The following HMGCLL1 variants were observed in gnomAD, a reference collection of about 807,000 sequenced individuals.
HMGCLL1 encodes 3-hydroxymethyl-3-methylglutaryl-CoA lyase, cytoplasmic.
Under a neutral mutation model 39.1 loss-of-function variants are expected in HMGCLL1, and 36 were observed. That is an observed-to-expected ratio of 0.92 (90% confidence interval 0.71 to 1.22). The LOEUF is 1.22. Ranked by LOEUF, HMGCLL1 falls within the 50% of genes most tolerant of loss-of-function variation. HMGCLL1 has a pLI of 0.00. For missense variants in HMGCLL1, 451 were observed against 416.5 expected, an observed-to-expected ratio of 1.08 and a Z score of -0.72; for synonymous variants, 149 against 144.0, an observed-to-expected ratio of 1.03 and a Z score of -0.25.
chr6:55,602,905 C>A, the HMGCLL1 span, among the ~76,000 whole-genome samples: 5 of 152,006 alleles, frequency 3.3e-5, no homozygotes, highest in Admixed American at 2.6e-4. Flanking sequence ...CAATGGTTAT[C>A]ATCTTAAGAA....
chr6:55,653,477 T>C, the HMGCLL1 span, among the ~76,000 whole-genome samples: 4 of 151,670 alleles, frequency 2.6e-5, no homozygotes, highest in African/African-American at 7.3e-5. Flanking sequence ...AAGACATGCT[T>C]TCAAATAATA....
chr6:55,509,978 A>G (rs931865467), intron 5 of HMGCLL1, among the ~76,000 whole-genome samples: 3 of 151,992 alleles, frequency 2.0e-5, no homozygotes, highest in African/African-American at 7.2e-5. Context: ...TGACTAAAGT[A>G]TGACATTATC....
chr6:55,442,064 T>C (rs9475291), intron 7 of HMGCLL1, among the ~76,000 whole-genome samples: 53,939 of 151,874 alleles, frequency 0.36, 10,231 homozygotes, highest in African/African-American at 0.5. Context: ...AGGTAAAGTG[T>C]CATCCTGAAA....
chr6:55,555,020 T>C (rs1278561289), intron 1 of HMGCLL1, among the ~76,000 whole-genome samples: 1 of 152,220 alleles, frequency 6.6e-6, no homozygotes, highest in Non-Finnish European at 1.5e-5. Context: ...CCTAATACTT[T>C]GAAAACATCA....
chr6:55,448,662 T>C (rs2127387136), intron 7 of HMGCLL1, among the ~76,000 whole-genome samples: 1 of 152,256 alleles, frequency 6.6e-6, no homozygotes, highest in Middle Eastern at 3.4e-3. Context: ...AATCATCTGC[T>C]TTTGCCTGTT....
intron 3 of HMGCLL1, among the ~76,000 whole-genome samples, chr6:55,536,237 T>A (rs1769016291): frequency 6.6e-6 from 1 of 152,184 alleles, no homozygotes; most frequent in African/African-American, 2.4e-5. Context: ...AAAATCTATT[T>A]TTATTCCCTG....
At chr6:55,596,573 C>T in the HMGCLL1 span, among the ~76,000 whole-genome samples, 1 of 152,126 alleles carries the variant, frequency 6.6e-6, no homozygotes, top group Non-Finnish European at 1.5e-5. Flanking sequence ...TTGTAAGATC[C>T]TGAGGAGAGG....
chr6:55,465,523 C>G (rs1764760333), intron 7 of HMGCLL1, among the ~76,000 whole-genome samples: 1 of 151,752 alleles, frequency 6.6e-6, no homozygotes, highest in African/African-American at 2.4e-5. Context: ...TGATGGGTAC[C>G]TTGCTTGATT....
intron 1 of HMGCLL1, 49 bp from the exon 2 acceptor site, chr6:55,542,189 C>A: frequency 8.0e-7 from 1 of 1,249,696 alleles, no homozygotes; most frequent in South Asian, 1.3e-5. Flanking sequence ...TAGATTGTTA[C>A]ATTTGCTTAT....
intron 7 of HMGCLL1, among the ~76,000 whole-genome samples, chr6:55,443,431 C>A (rs1763689058): frequency 6.6e-6 from 1 of 152,152 alleles, no homozygotes; most frequent in Non-Finnish European, 1.5e-5. Flanking sequence ...CAAGACCCTG[C>A]AACTACAGGA....
chr6:55,456,374 A>G (rs1764321781), intron 7 of HMGCLL1, among the ~76,000 whole-genome samples: 1 of 152,194 alleles, frequency 6.6e-6, no homozygotes. Context: ...TGAGATAAAA[A>G]TCTTTAGATA....
chr6:55,660,496 C>T, the HMGCLL1 span, among the ~76,000 whole-genome samples: 1 of 151,942 alleles, frequency 6.6e-6, no homozygotes, highest in South Asian at 2.1e-4. Context: ...GTGTTAGTTG[C>T]TAAGAATGAT....
chr6:55,475,860 C>T (rs757173285), intron 7 of HMGCLL1, among the ~76,000 whole-genome samples: 1 of 151,566 alleles, frequency 6.6e-6, no homozygotes, highest in African/African-American at 2.4e-5. Context: ...GCTTTTCTCA[C>T]TGAAGTGTAG....
intron 7 of HMGCLL1, among the ~76,000 whole-genome samples, chr6:55,451,102 G>T (rs1214131272): frequency 6.6e-6 from 1 of 152,110 alleles, no homozygotes; most frequent in African/African-American, 2.4e-5. Context: ...TGGAGCTAAT[G>T]GTTATGGGGA....
intron 7 of HMGCLL1, among the ~76,000 whole-genome samples, chr6:55,492,322 T>C (rs945064566): frequency 2.6e-5 from 4 of 152,180 alleles, no homozygotes; most frequent in Non-Finnish European, 5.9e-5. Flanking sequence ...TTTTCTTCAA[T>C]ATATTTTCTT....
the HMGCLL1 span, among the ~76,000 whole-genome samples, chr6:55,652,141 G>C: frequency 6.6e-6 from 1 of 151,990 alleles, no homozygotes; most frequent in Admixed American, 6.6e-5. Flanking sequence ...CACGGGGAGG[G>C]GAGATAAGTG....
chr6:55,619,807 A>G, the HMGCLL1 span, among the ~76,000 whole-genome samples: 1 of 152,160 alleles, frequency 6.6e-6, no homozygotes, highest in African/African-American at 2.4e-5. Flanking sequence ...CTATTTAACT[A>G]TATTTAGGTA....
At chr6:55,452,737 A>T (rs1764155852) in intron 7 of HMGCLL1, among the ~76,000 whole-genome samples, 1 of 152,168 alleles carries the variant, frequency 6.6e-6, no homozygotes, top group Non-Finnish European at 1.5e-5. Flanking sequence ...GTTTCCTGAG[A>T]CACCCCTGTG....
intron 7 of HMGCLL1, among the ~76,000 whole-genome samples, chr6:55,491,878 T>C (rs1009469785): frequency 2.0e-5 from 3 of 152,064 alleles, no homozygotes; most frequent in African/African-American, 7.2e-5. Context: ...ATAATTATTC[T>C]TGAATTCCAT....
Sources: gnomAD v4.1 joint callset for allele counts (sites outside exome capture counted in the v4.1 genomes callset) on GRCh38, gnomAD v4.1.1 for gene constraint, MANE v1.5 for transcripts, NCBI Gene and HGNC (gene_info 2026-07-23, HGNC 2026-07-21) for gene names.